The following DDX60 variants were observed in gnomAD, a reference collection of about 807,000 sequenced individuals.
DDX60 encodes the protein probable ATP-dependent RNA helicase DDX60.
In DDX60, 165 loss-of-function variants were observed where a neutral mutation model predicts 212.8. That is an observed-to-expected ratio of 0.78 (90% confidence interval 0.68 to 0.88). DDX60 has a LOEUF of 0.88. Ranked by LOEUF, DDX60 falls within the 40% of genes least tolerant of loss-of-function variation. DDX60 has a pLI of 0.00. For synonymous variants in DDX60, 703 were observed against 685.3 expected, an observed-to-expected ratio of 1.03 and a Z score of -0.40; for missense variants, 1,905 against 2,003.9, an observed-to-expected ratio of 0.95 and a Z score of 0.94.
chr4:168,325,975 C>G, the DDX60 span, among the ~76,000 whole-genome samples: 1 of 152,196 alleles, frequency 6.6e-6, no homozygotes, highest in Admixed American at 6.5e-5. Flanking sequence ...CATAGCTGTC[C>G]AGCGGTGACC....
At chr4:168,252,684 A>G (rs761789635) in intron 26 of DDX60, 28 bp from the exon 27 acceptor site, 6 of 1,540,446 alleles carry the variant, frequency 3.9e-6, no homozygotes, top group Non-Finnish European at 5.3e-6. Context: ...ATTTTAATTA[A>G]TGAAATTGTA....
At chr4:168,243,491 A>G (rs977282687) in intron 30 of DDX60, among the ~76,000 whole-genome samples, 1 of 152,226 alleles carries the variant, frequency 6.6e-6, no homozygotes, top group African/African-American at 2.4e-5. Context: ...CATGCAGCCA[A>G]CATATGAAAA....
In DDX60 at chr4:168,238,409, GGAGGA is replaced by G. The variant is rs1265218064; in HGVS notation, c.4165-619_4165-615del. ...GAAGGGAAGGGAAAGGGAGGGGAGG[GGAGGA>G]GAGGGGAGGGAAGGGAAGGGAAGGG... On this transcript the variant is annotated intron_variant, in intron 30 of 37. Coordinates refer to ENST00000393743, the MANE Select transcript of DDX60 (RefSeq NM_017631.6). 1.9e-3 allele frequency among the ~76,000 whole-genome samples: 235 copies of G among 120,540 alleles called. 1 individual carries two copies. Among genetic ancestry groups the G allele is most frequent in the African/African-American group, 7.2e-3 (227 of 31,500 alleles). 79.1% of individuals were successfully genotyped at this position (120,540 alleles called of 152,430 possible). A position where few individuals can be genotyped will look rare whatever the true frequency, so the allele number is the denominator to read the frequency against.
intron 35 of DDX60, 47 bp from the exon 36 acceptor site, chr4:168,221,928 A>C (rs1733066309): frequency 6.4e-7 from 1 of 1,558,906 alleles, no homozygotes; most frequent in Admixed American, 1.7e-5. Flanking sequence ...GTATAAAGAA[A>C]GTTGATAATT....
chr4:168,284,383 T>C (rs542279200), intron 12 of DDX60, among the ~76,000 whole-genome samples: 5 of 152,312 alleles, frequency 3.3e-5, no homozygotes, highest in African/African-American at 9.6e-5. Context: ...TCAGTCTCTG[T>C]TGATCCACTG....
chr4:168,261,664 C>A (rs1050542704), intron 24 of DDX60, among the ~76,000 whole-genome samples: 15 of 152,140 alleles, frequency 9.9e-5, no homozygotes, highest in African/African-American at 3.6e-4. Flanking sequence ...GTAAAACAAT[C>A]TTCTCAGAGA....
chr4:168,315,859 C>T (rs187140739), intron 1 of DDX60, among the ~76,000 whole-genome samples: 1 of 152,110 alleles, frequency 6.6e-6, no homozygotes, highest in Non-Finnish European at 1.5e-5. Context: ...CAAGTCTTTG[C>T]TATTGTAAAT....
At chr4:168,322,491 C>T (rs531298676), upstream of DDX60, among the ~76,000 whole-genome samples, 5 of 152,338 alleles carry the variant, frequency 3.3e-5, no homozygotes, top group East Asian at 5.8e-4. Context: ...TAACTCCAGT[C>T]TGTCCCTCCA....
Position 168,276,183 on chromosome 4 carries a change from T to C in DDX60, c.1979-2A>G. 1 of 1,595,708 alleles carries C rather than the reference T, an allele frequency of 6.3e-7. No homozygotes were observed. Among genetic ancestry groups the C allele is most frequent in the Non-Finnish European group, 8.6e-7 (1 of 1,169,060 alleles). ...TACTTAAATCTTTCGTGGTTTTACC[T>C]TGATAAACAATAAACAATAAAATTG... On this transcript the variant is annotated splice_acceptor_variant, in intron 14 of 37. Coordinates refer to ENST00000393743, the MANE Select transcript of DDX60 (RefSeq NM_017631.6). LOFTEE classifies it high-confidence loss of function.
intron 32 of DDX60, among the ~76,000 whole-genome samples, chr4:168,236,901 A>G (rs1452463545): frequency 6.6e-6 from 1 of 151,612 alleles, no homozygotes; most frequent in East Asian, 1.9e-4. Flanking sequence ...ATCTGTGGAT[A>G]GTGTAATTAT....
intron 30 of DDX60, among the ~76,000 whole-genome samples, chr4:168,240,440 G>C (rs1009141418): frequency 2.0e-5 from 3 of 152,070 alleles, no homozygotes; most frequent in Non-Finnish European, 4.4e-5. Context: ...TAAACTACCA[G>C]TGACTTTCTA....
chr4:168,319,443 G>C (rs1737547260), upstream of DDX60, among the ~76,000 whole-genome samples: 1 of 152,122 alleles, frequency 6.6e-6, no homozygotes, highest in Admixed American at 6.5e-5. Context: ...AAAAAAGAAA[G>C]TATGTAACAA....
chr4:168,255,559 T>C (rs1734370491), intron 26 of DDX60, 152 bp downstream of exon 26: 1 of 601,778 alleles, frequency 1.7e-6, no homozygotes, highest in South Asian at 2.8e-5. Flanking sequence ...CTCATCTTTA[T>C]CCCATTCTCT....
At chr4:168,303,055 C>T (rs1736714902) in intron 5 of DDX60, among the ~76,000 whole-genome samples, 1 of 151,924 alleles carries the variant, frequency 6.6e-6, no homozygotes, top group African/African-American at 2.4e-5. Flanking sequence ...GTAATCCTAG[C>T]ACTTTGGGAG....
chr4:168,263,787 T>C (rs1465812287), intron 22 of DDX60: 1 of 152,060 alleles, frequency 6.6e-6, no homozygotes, highest in Non-Finnish European at 1.5e-5. Context: ...TTCTGAAAAA[T>C]AAATCTTTGT....
At chr4:168,230,303 C>T (rs1002634675) in intron 33 of DDX60, among the ~76,000 whole-genome samples, 5 of 152,100 alleles carry the variant, frequency 3.3e-5, no homozygotes, top group Non-Finnish European at 5.9e-5. Flanking sequence ...CGGCACTAGA[C>T]AGGTCATAAA....
At chr4:168,286,389 T>C (rs971923612) in intron 10 of DDX60, among the ~76,000 whole-genome samples, 5 of 133,662 alleles carry the variant, frequency 3.7e-5, no homozygotes, top group African/African-American at 8.8e-5. Context: ...CTTGATTTTA[T>C]ACACACACAC....
At chr4:168,316,093 A>T (rs976914221) in intron 1 of DDX60, among the ~76,000 whole-genome samples, 1 of 152,250 alleles carries the variant, frequency 6.6e-6, no homozygotes, top group Admixed American at 6.5e-5. Flanking sequence ...TCAAGAATGA[A>T]GACAATCAAA....
At chr4:168,274,189 T>A in intron 16 of DDX60, 106 bp from the exon 17 acceptor site, 2 of 1,363,062 alleles carry the variant, frequency 1.5e-6, no homozygotes. Context: ...CCTCAAAGGA[T>A]CTGTAGGTAC....
Sources: allele counts gnomAD v4.1 joint callset (sites outside exome capture counted in the v4.1 genomes callset), GRCh38; gene constraint gnomAD v4.1.1; transcripts MANE v1.5; gene names NCBI Gene and HGNC (gene_info 2026-07-23, HGNC 2026-07-21).